Variants in DZIP1L observed in about 807,000 individuals in gnomAD.
DZIP1L encodes the protein cilium assembly protein DZIP1L.
DZIP1L carries 90 observed loss-of-function variants against 88.7 expected under a neutral mutation model. That is an observed-to-expected ratio of 1.02 (90% CI 0.86 to 1.21). The LOEUF is 1.21. DZIP1L is among the 50% of genes most tolerant of loss of function. DZIP1L has a pLI of 0.00. For missense variants in DZIP1L, 932 were observed against 955.8 expected, an observed-to-expected ratio of 0.98 and a Z score of 0.33; for synonymous variants, 363 against 372.1, an observed-to-expected ratio of 0.98 and a Z score of 0.28.
intron 7 of DZIP1L, among the ~76,000 whole-genome samples, chr3:138,085,453 A>C (rs1307798543): frequency 1.3e-5 from 2 of 152,254 alleles, no homozygotes; most frequent in Non-Finnish European, 2.9e-5. Context: ...AAAGGATATG[A>C]ACAGACACTT....
rs762826914 is a variant in DZIP1L at position 138,084,176 on chromosome 3, C to T, written c.1140G>A (p.Gln380=). 3.7e-6 allele frequency: 6 copies of T among 1,614,092 alleles called. No individual in the cohort carries two copies. The East Asian group carries it at 1.3e-4, about 36-fold the overall frequency. Residue 380 remains glutamine, a synonymous_variant, in exon 8 of 16, where the codon CAG becomes CAA. Transcript: ENST00000327532. ...QKKAAAQSQC[Q]ISTLRAQLQE... ...GCAGCTGGGCACGGAGGGTGCTGAT[C>T]TGGCACTGGGACTGGGCAGCTGCCT...
chr3:138,082,444 T>C (rs932805699), intron 8 of DZIP1L, among the ~76,000 whole-genome samples: 1 of 152,220 alleles, frequency 6.6e-6, no homozygotes, highest in Non-Finnish European at 1.5e-5. Flanking sequence ...ATAAAACAGA[T>C]AAGCAGCAGA....
At chr3:138,112,349 T>C (rs2042632409) in intron 1 of DZIP1L, 1 of 152,230 alleles carries the variant, frequency 6.6e-6, no homozygotes, top group Non-Finnish European at 1.5e-5. Context: ...TTTTCCATTA[T>C]GGAAATTACA....
At chr3:138,084,750 T>C (rs1943843763) in intron 7 of DZIP1L, among the ~76,000 whole-genome samples, 1 of 152,220 alleles carries the variant, frequency 6.6e-6, no homozygotes, top group Admixed American at 6.5e-5. Context: ...CAGTGTATCT[T>C]AATATATTTC....
intron 5 of DZIP1L, 92 bp from the exon 6 acceptor site, chr3:138,088,599 ACCCAACTCATCCT>A (rs1015401780): frequency 2.7e-5 from 39 of 1,453,018 alleles, no homozygotes; most frequent in Admixed American, 4.4e-5. Flanking sequence ...GGCACGCCTT[ACCCAACTCATCCT>A]CCCAACTCAT....
intron 14 of DZIP1L, among the ~76,000 whole-genome samples, chr3:138,066,714 A>C (rs1017328720): frequency 1.3e-5 from 2 of 151,982 alleles, no homozygotes; most frequent in Non-Finnish European, 2.9e-5. Context: ...GCCTTCTCTC[A>C]CACGCCTCGA....
Position 138,067,432 on chromosome 3 carries a change from A to G in DZIP1L, c.2002+99T>C. 3 of 1,350,458 alleles carry G rather than the reference A, an allele frequency of 2.2e-6. No individual in the cohort carries two copies. In the South Asian group the frequency reaches 4.6e-5, roughly 21 times the overall value. 83.7% of individuals were successfully genotyped at this position (1,350,458 alleles called of 1,614,324 possible). A position where few individuals can be genotyped will look rare whatever the true frequency, so the allele number is the denominator to read the frequency against. Reference sequence around the variant, plus strand: ...AAAGAGATGTCAAATAAGAAAGCCTAAAGGAAGCTAAAGGGTGTTTCTGGA... The same window carrying G: ...AAAGAGATGTCAAATAAGAAAGCCTGAAGGAAGCTAAAGGGTGTTTCTGGA... On this transcript the variant is annotated intron_variant, in intron 14 of 15. Coordinates refer to ENST00000327532, the MANE Select transcript of DZIP1L (RefSeq NM_173543.3).
At chr3:138,075,707 G>A (rs891938918) in intron 11 of DZIP1L, among the ~76,000 whole-genome samples, 1 of 152,222 alleles carries the variant, frequency 6.6e-6, no homozygotes, top group African/African-American at 2.4e-5. Flanking sequence ...AAAGTCTGCG[G>A]CCTGGCGCGG....
chr3:138,094,252 A>C (rs1304267264), intron 4 of DZIP1L, among the ~76,000 whole-genome samples: 2 of 152,260 alleles, frequency 1.3e-5, no homozygotes, highest in Non-Finnish European at 1.5e-5. Context: ...ACATGAAGTG[A>C]GCACATACTG....
intron 10 of DZIP1L, 40 bp downstream of exon 10, chr3:138,080,527 T>C: frequency 6.2e-7 from 1 of 1,610,376 alleles, no homozygotes; most frequent in South Asian, 1.1e-5. Flanking sequence ...AGCAAATCTG[T>C]TTCTGCACTG....
intron 12 of DZIP1L, chr3:138,069,180 A>G (rs1943057671): frequency 1.5e-6 from 1 of 680,562 alleles, no homozygotes; most frequent in Non-Finnish European, 2.7e-6. Flanking sequence ...CAACACAAAG[A>G]TAACAAGGAT....
chr3:138,111,140 A>C (rs2042613044), intron 1 of DZIP1L, among the ~76,000 whole-genome samples: 2 of 152,328 alleles, frequency 1.3e-5, no homozygotes, highest in South Asian at 4.1e-4. Flanking sequence ...CCCAGTCCCC[A>C]GCCCATTACC....
chr3:138,094,501 C>G (rs1944374848), intron 4 of DZIP1L, among the ~76,000 whole-genome samples: 1 of 152,228 alleles, frequency 6.6e-6, no homozygotes, highest in South Asian at 2.1e-4. Context: ...TGAGCATTGT[C>G]TCTGGGCTGG....
At chr3:138,086,829 A>G in intron 7 of DZIP1L, 132 bp downstream of exon 7, 2 of 908,084 alleles carry the variant, frequency 2.2e-6, no homozygotes, top group East Asian at 2.4e-5. Context: ...GCCAGGAGCA[A>G]TATCTGCAGC....
chr3:138,109,928 G>A (rs2042590375), intron 1 of DZIP1L, among the ~76,000 whole-genome samples: 1 of 152,070 alleles, frequency 6.6e-6, no homozygotes, highest in African/African-American at 2.4e-5. Flanking sequence ...ACAGACACAG[G>A]GAGGGGAATA....
At chr3:138,071,955 T>C (rs568903902) in intron 11 of DZIP1L, 120 bp from the exon 12 acceptor site, 1 of 971,790 alleles carries the variant, frequency 1.0e-6, no homozygotes, top group Non-Finnish European at 1.5e-6. Flanking sequence ...GTGCTTTTCT[T>C]GCAGGACTGG....
chr3:138,091,674 AGGGAGGGAG>A lies in DZIP1L; in HGVS notation c.870+700_870+708del, dbSNP rs1169291106. On this transcript the variant is annotated intron_variant, in intron 5 of 15. Transcript: ENST00000327532. Reference sequence around the variant, plus strand: ...GAGGAAGGAAGGAAGGGAGGGAGAGAGGGAGGGAGGAAGGAAGGAAGGAGAGGGAGAGAG... The same window carrying A: ...GAGGAAGGAAGGAAGGGAGGGAGAGAGAAGGAAGGAAGGAGAGGGAGAGAG... Among the ~76,000 whole-genome samples, 17 of 18,880 alleles carry A rather than the reference AGGGAGGGAG, an allele frequency of 9.0e-4. 1 individual carries two copies. In the East Asian group the frequency reaches 0.016, roughly 18 times the overall value. The allele number at this position is 18,880 out of a possible 152,430, so 12.4% of individuals were successfully genotyped here.
At chr3:138,086,689 T>A (rs1339413355) in intron 7 of DZIP1L, among the ~76,000 whole-genome samples, 2 of 151,964 alleles carry the variant, frequency 1.3e-5, no homozygotes, top group Non-Finnish European at 2.9e-5. Flanking sequence ...CCTAAAGGGG[T>A]CACTGCAAAG....
At chr3:138,097,181 C>CAAAAA (rs71304267) in intron 3 of DZIP1L, among the ~76,000 whole-genome samples, 2 of 103,388 alleles carry the variant, frequency 1.9e-5, no homozygotes, top group Non-Finnish European at 2.0e-5. Flanking sequence ...GACCCTGTCT[C>CAAAAA]AAAAAAAAAA....
Sources: gnomAD v4.1 joint callset for allele counts (sites outside exome capture counted in the v4.1 genomes callset) on GRCh38, gnomAD v4.1.1 for gene constraint, MANE v1.5 for transcripts, NCBI Gene and HGNC (gene_info 2026-07-23, HGNC 2026-07-21) for gene names.